EGFLAM: variants seen among roughly 807,000 people sequenced by gnomAD.
EGFLAM encodes the protein pikachurin.
EGFLAM carries 79 observed loss-of-function variants against 113.1 expected under a neutral mutation model. The ratio of observed to expected loss-of-function variants is 0.70; its 90% CI spans 0.58 to 0.84. The LOEUF (loss-of-function observed/expected upper bound fraction) is 0.84, where lower values mean the gene tolerates loss of function less well. Ranked by LOEUF, EGFLAM falls within the 40% of genes least tolerant of loss-of-function variation. The pLI, the probability that EGFLAM is intolerant of heterozygous loss-of-function variation, is 0.00. For synonymous variants in EGFLAM, 504 were observed against 487.6 expected, an observed-to-expected ratio of 1.03 and a Z score of -0.44; for missense variants, 1,265 against 1,291.6, an observed-to-expected ratio of 0.98 and a Z score of 0.32.
At chr5:38,451,991 C>CAAAA (rs531712895) in intron 19 of EGFLAM, among the ~76,000 whole-genome samples, 1 of 38,702 alleles carries the variant, frequency 2.6e-5, no homozygotes, top group African/African-American at 6.6e-5. Context: ...GACTCCATCT[C>CAAAA]AAAAAAAAAA....
intron 6 of EGFLAM, among the ~76,000 whole-genome samples, chr5:38,393,233 C>T (rs1361818911): frequency 6.6e-6 from 1 of 152,126 alleles, no homozygotes; most frequent in Non-Finnish European, 1.5e-5. Context: ...GATTTAATCA[C>T]CACCTTATAT....
At chr5:38,443,436 T>C (rs540772459) in intron 17 of EGFLAM, among the ~76,000 whole-genome samples, 37 of 152,276 alleles carry the variant, frequency 2.4e-4, no homozygotes, top group African/African-American at 8.9e-4. Context: ...ATGGGAGATC[T>C]GGGGGTGTTT....
chr5:38,453,770 A>G (rs1369216386), intron 19 of EGFLAM, among the ~76,000 whole-genome samples: 1 of 152,176 alleles, frequency 6.6e-6, no homozygotes, highest in East Asian at 1.9e-4. Context: ...GAACCGAAAC[A>G]GAAGCTCAGC....
intron 6 of EGFLAM, among the ~76,000 whole-genome samples, chr5:38,396,063 T>TTTTTTTTTTTTTTTTTTTTTTGTG (rs1482050151): frequency 6.6e-6 from 1 of 151,962 alleles, no homozygotes; most frequent in African/African-American, 2.4e-5. Context: ...ACCCACTCTT[T>TTTTTTTTTTTTTTTTTTTTTTGTG]AAAAGCCTCC....
At chr5:38,332,220 G>C (rs1579782956) in intron 1 of EGFLAM, among the ~76,000 whole-genome samples, 1 of 152,066 alleles carries the variant, frequency 6.6e-6, no homozygotes, top group Non-Finnish European at 1.5e-5. Flanking sequence ...TGCCATTGTG[G>C]TATCTTTTTT....
At position 38,370,398 on chromosome 5, in the gene EGFLAM, G is replaced by T. The variant is rs1291207589; in HGVS notation, c.648G>T (p.Val216=). The T allele has an allele frequency of 1.2e-6, 2 of 1,614,090 alleles. No individual in the cohort carries two copies. The highest frequency in any genetic ancestry group is 2.7e-5 in the African/African-American group (2 of 74,938). ...CAGATACCAACTACCAGTTTGCCGT[G>T]AGGGCAATGAATTCCCATGGCCCCA... is the stretch of plus-strand genomic sequence containing the variant. ...LDPDTNYQFA[V]RAMNSHGPSP... The change falls in exon 6 of 22, where the codon GTG becomes GTT. Residue 216 remains valine, a synonymous_variant. Transcript: ENST00000322350.
intron 6 of EGFLAM, among the ~76,000 whole-genome samples, chr5:38,379,522 C>T (rs1561057100): frequency 6.6e-6 from 1 of 151,850 alleles, no homozygotes; most frequent in African/African-American, 2.4e-5. Flanking sequence ...AATGAGATTC[C>T]GGGGAGGGGA....
intron 6 of EGFLAM, among the ~76,000 whole-genome samples, chr5:38,395,238 C>T (rs1046065974): frequency 2.2e-5 from 3 of 134,756 alleles, no homozygotes; most frequent in Admixed American, 7.3e-5. Context: ...CCATGCCTAG[C>T]CTTTTTTTTT....
intron 1 of EGFLAM, among the ~76,000 whole-genome samples, chr5:38,330,331 C>T (rs1004503503): frequency 6.6e-6 from 1 of 152,124 alleles, no homozygotes; most frequent in African/African-American, 2.4e-5. Flanking sequence ...CCAAGCAAGG[C>T]CATCAAAACA....
chr5:38,440,535 G>A (rs1742500209), intron 17 of EGFLAM, among the ~76,000 whole-genome samples: 1 of 152,204 alleles, frequency 6.6e-6, no homozygotes, highest in Admixed American at 6.5e-5. Flanking sequence ...GGGCGATTAT[G>A]TTGTTCCATA....
chr5:38,444,968 T>C (rs2251120), intron 17 of EGFLAM, among the ~76,000 whole-genome samples: 22,020 of 152,160 alleles, frequency 0.14, 1,639 homozygotes, highest in African/African-American at 0.18. Flanking sequence ...AATAGTAATG[T>C]TTACAACATT....
intron 1 of EGFLAM, among the ~76,000 whole-genome samples, chr5:38,330,929 G>A (rs891515648): frequency 1.3e-5 from 2 of 152,050 alleles, no homozygotes; most frequent in African/African-American, 4.8e-5. Flanking sequence ...GAAAATATAG[G>A]TGAATAATTC....
intron 6 of EGFLAM, among the ~76,000 whole-genome samples, chr5:38,380,330 C>T (rs1740477148): frequency 6.6e-6 from 1 of 152,156 alleles, no homozygotes; most frequent in African/African-American, 2.4e-5. Flanking sequence ...TGAACTTGTT[C>T]CCTTGATAGA....
chr5:38,440,266 T>C (rs1742490580), intron 17 of EGFLAM, among the ~76,000 whole-genome samples: 3 of 152,168 alleles, frequency 2.0e-5, no homozygotes, highest in Non-Finnish European at 2.9e-5. Flanking sequence ...TAGTATCAGA[T>C]TGTGTTTTGA....
intron 6 of EGFLAM, among the ~76,000 whole-genome samples, chr5:38,405,615 A>G (rs1741260023): frequency 6.6e-6 from 1 of 152,194 alleles, no homozygotes; most frequent in African/African-American, 2.4e-5. Context: ...GTTTGTTCTT[A>G]TAAATAGCAT....
At chr5:38,446,367 C>T (rs751342136) in intron 17 of EGFLAM, among the ~76,000 whole-genome samples, 10 of 152,078 alleles carry the variant, frequency 6.6e-5, no homozygotes, top group Non-Finnish European at 1.3e-4. Flanking sequence ...CCTTCTCTCC[C>T]GGTTGTCTTC....
chr5:38,403,625 C>A, intron 6 of EGFLAM: 1 of 637,420 alleles, frequency 1.6e-6, no homozygotes, highest in Non-Finnish European at 2.5e-6. Context: ...ATATCCCAGG[C>A]AGGATGGAGC....
At chr5:38,360,122 G>A (rs182536239) in intron 5 of EGFLAM, among the ~76,000 whole-genome samples, 1 of 152,318 alleles carries the variant, frequency 6.6e-6, no homozygotes, top group East Asian at 1.9e-4. Context: ...CACAGGAAGT[G>A]ACCCTGCAAA....
chr5:38,293,830 A>C (rs2111802416), intron 1 of EGFLAM, among the ~76,000 whole-genome samples: 1 of 152,286 alleles, frequency 6.6e-6, no homozygotes, highest in South Asian at 2.1e-4. Flanking sequence ...TTTAAACACC[A>C]AAATCTCACT....
Sources: allele counts gnomAD v4.1 joint callset (sites outside exome capture counted in the v4.1 genomes callset), GRCh38; gene constraint gnomAD v4.1.1; transcripts MANE v1.5; gene names NCBI Gene and HGNC (gene_info 2026-07-23, HGNC 2026-07-21).